Variants in BMP6 observed in about 807,000 individuals in gnomAD.
The protein encoded by BMP6 is bone morphogenetic protein 6, also known as VG-1-R.
BMP6 carries 17 observed loss-of-function variants against 54.1 expected under a neutral mutation model. The ratio of observed to expected loss-of-function variants is 0.31; its 90% CI spans 0.22 to 0.47. BMP6 has a LOEUF of 0.47. BMP6 is among the 20% of genes least tolerant of loss of function. BMP6 has a pLI of 1.00. For missense variants in BMP6, 720 were observed against 690.4 expected (o/e 1.04, Z -0.48); for synonymous variants, 328 against 291.2 (o/e 1.13, Z -1.28).
At chr6:7,752,038 T>C (rs1203572636) in intron 1 of BMP6, among the ~76,000 whole-genome samples, 1 of 152,238 alleles carries the variant, frequency 6.6e-6, no homozygotes, top group Non-Finnish European at 1.5e-5. Context: ...CTGTGATAGT[T>C]GATAGCTTTC....
intron 1 of BMP6, among the ~76,000 whole-genome samples, chr6:7,784,480 G>A (rs539192508): frequency 6.6e-6 from 1 of 152,258 alleles, no homozygotes; most frequent in African/African-American, 2.4e-5. Context: ...TCACGTGATA[G>A]TAAAGTGTTC....
chr6:7,782,517 C>T (rs1244719508), intron 1 of BMP6, among the ~76,000 whole-genome samples: 1 of 152,090 alleles, frequency 6.6e-6, no homozygotes, highest in Non-Finnish European at 1.5e-5. Flanking sequence ...TTGAGACCAG[C>T]CTGGCCAACA....
intron 1 of BMP6, among the ~76,000 whole-genome samples, chr6:7,799,740 T>TA (rs34023411): frequency 0.29 from 41,696 of 145,652 alleles, 6,733 homozygotes; most frequent in African/African-American, 0.46. Flanking sequence ...ACACTGATTA[T>TA]AAAAAAAAAA....
chr6:7,868,105 A>C (rs896484193), intron 4 of BMP6, among the ~76,000 whole-genome samples: 4 of 152,218 alleles, frequency 2.6e-5, no homozygotes, highest in African/African-American at 9.7e-5. Flanking sequence ...TTTTTAAAGG[A>C]AATCTTTGTC....
At chr6:7,809,016 A>G (rs1421979039) in intron 1 of BMP6, among the ~76,000 whole-genome samples, 2 of 151,302 alleles carry the variant, frequency 1.3e-5, no homozygotes, top group Non-Finnish European at 2.9e-5. Context: ...TCCTGAGCAC[A>G]TGTGATCATA....
chr6:7,758,116 C>T (rs1757554669), intron 1 of BMP6, among the ~76,000 whole-genome samples: 1 of 152,130 alleles, frequency 6.6e-6, no homozygotes, highest in Non-Finnish European at 1.5e-5. Flanking sequence ...AGAAGAATGC[C>T]CCTGCATGGG....
At chr6:7,753,006 C>T (rs1757449916) in intron 1 of BMP6, among the ~76,000 whole-genome samples, 1 of 151,946 alleles carries the variant, frequency 6.6e-6, no homozygotes, top group African/African-American at 2.4e-5. Context: ...ATATTAAGCC[C>T]AGAACCAGCC....
intron 1 of BMP6, among the ~76,000 whole-genome samples, chr6:7,770,805 C>T (rs1340839304): frequency 6.6e-6 from 1 of 152,234 alleles, no homozygotes; most frequent in African/African-American, 2.4e-5. Flanking sequence ...AAGTTCATCA[C>T]AGCAGTGACT....
intron 5 of BMP6, 37 bp from the exon 6 acceptor site, chr6:7,879,954 T>TG (rs754237532): frequency 6.3e-7 from 1 of 1,581,354 alleles, no homozygotes; most frequent in Admixed American, 1.7e-5. Context: ...GAGAAGTGCA[T>TG]GCTCATCTTT....
chr6:7,732,048 CAT>C (rs1210959994), intron 1 of BMP6, among the ~76,000 whole-genome samples: 4 of 152,090 alleles, frequency 2.6e-5, no homozygotes, highest in Non-Finnish European at 4.4e-5. Context: ...TCTTGGGAAA[CAT>C]AAATAAGAAG....
chr6:7,780,983 T>A (rs1357081176), intron 1 of BMP6, among the ~76,000 whole-genome samples: 3 of 152,182 alleles, frequency 2.0e-5, no homozygotes, highest in Admixed American at 6.5e-5. Context: ...AGTGCTGGGA[T>A]TACAGGCATG....
chr6:7,802,113 G>C (rs1758277838), intron 1 of BMP6, among the ~76,000 whole-genome samples: 1 of 152,170 alleles, frequency 6.6e-6, no homozygotes, highest in African/African-American at 2.4e-5. Context: ...GAGAAATGCA[G>C]CCTGGATGAG....
Position 7,726,750 on chromosome 6 carries a change from C to T in BMP6, c.-206C>T, listed in dbSNP as rs1349724282. 1.5e-5 allele frequency: 3 copies of T among 199,824 alleles called. No individual in the cohort carries two copies. Among genetic ancestry groups the T allele is most frequent in the Admixed American group, 1.2e-4 (2 of 16,322 alleles). 12.4% of individuals were successfully genotyped at this position (199,824 alleles called of 1,614,324 possible). A position where few individuals can be genotyped will look rare whatever the true frequency, so the allele number is the denominator to read the frequency against. On this transcript the variant is annotated 5_prime_UTR_variant, in exon 1 of 7. Coordinates refer to ENST00000283147, the MANE Select transcript of BMP6 (RefSeq NM_001718.6). ...CCCTCCAAGCGGTTCTCCTGGTGAT[C>T]GCCCCTTCGCCACCTCTCTAGCCTG...
At chr6:7,808,329 C>T (rs1480735052) in intron 1 of BMP6, among the ~76,000 whole-genome samples, 1 of 152,152 alleles carries the variant, frequency 6.6e-6, no homozygotes, top group African/African-American at 2.4e-5. Flanking sequence ...TGAAGATTTA[C>T]TGATAGGTGG....
chr6:7,769,978 A>G (rs1289445625), intron 1 of BMP6, among the ~76,000 whole-genome samples: 2 of 152,192 alleles, frequency 1.3e-5, no homozygotes, highest in African/African-American at 4.8e-5. Context: ...TTATTTTAGT[A>G]GACTACTATT....
intron 4 of BMP6, among the ~76,000 whole-genome samples, chr6:7,876,688 G>A (rs1414762187): frequency 6.6e-6 from 1 of 152,146 alleles, no homozygotes; most frequent in East Asian, 1.9e-4. Context: ...GACAACTAAT[G>A]TTTAACCTGT....
At chr6:7,849,338 T>C (rs2113259954) in intron 2 of BMP6, among the ~76,000 whole-genome samples, 1 of 152,360 alleles carries the variant, frequency 6.6e-6, no homozygotes, top group East Asian at 1.9e-4. Context: ...TTAACAGTTT[T>C]TCTAGAGGAG....
At position 7,836,874 on chromosome 6, in the gene BMP6, G is replaced by A. The variant is rs138035032; in HGVS notation, c.665-8266G>A. On this transcript the variant is annotated intron_variant, in intron 1 of 6. Transcript: ENST00000283147. ...ACATGAAAGTCAAAAGGCCGCTGTC[G>A]TTACAACCCTTGGAAGTCCAGCCAG... Among the ~76,000 whole-genome samples, 29 of 152,270 alleles carry A rather than the reference G, an allele frequency of 1.9e-4. No individual in the cohort carries two copies. In the East Asian group the frequency reaches 4.8e-3, roughly 25 times the overall value.
In BMP6 at chr6:7,881,382, T is replaced by C. The variant is rs1474969905; in HGVS notation, c.*1039T>C. 1 of 152,626 alleles carries C rather than the reference T, an allele frequency of 6.6e-6. No homozygotes were observed. Among genetic ancestry groups the C allele is most frequent in the Admixed American group, 6.5e-5 (1 of 15,284 alleles). 9.5% of individuals were successfully genotyped at this position (152,626 alleles called of 1,614,324 possible). The stretch of plus-strand genomic sequence containing the variant: ...CACAATCATGTACTGGGAAGGCAAT[T>C]TCATACTAAACTGATTAAATAATAC... On this transcript the variant is annotated 3_prime_UTR_variant, in exon 7 of 7. Coordinates refer to ENST00000283147, the MANE Select transcript of BMP6 (RefSeq NM_001718.6).
Sources: gnomAD v4.1 joint callset for allele counts (sites outside exome capture counted in the v4.1 genomes callset) on GRCh38, gnomAD v4.1.1 for gene constraint, MANE v1.5 for transcripts, NCBI Gene and HGNC (gene_info 2026-07-23, HGNC 2026-07-21) for gene names.